Variants in TCF7L2 observed in about 807,000 individuals in gnomAD.
TCF7L2 encodes transcription factor 7-like 2.
In TCF7L2, 23 loss-of-function variants were observed where a neutral mutation model predicts 77.9. The ratio of observed to expected loss-of-function variants is 0.30; its 90% confidence interval spans 0.21 to 0.42. The LOEUF (loss-of-function observed/expected upper bound fraction) is 0.42, where lower values mean the gene tolerates loss of function less well. Among genes scored for constraint, TCF7L2 ranks in the 10% least tolerant of loss-of-function variants. TCF7L2 has a pLI of 1.00. For missense variants in TCF7L2, 654 were observed against 793.1 expected, an observed-to-expected ratio of 0.82 and a Z score of 2.11; for synonymous variants, 413 against 340.2, an observed-to-expected ratio of 1.21 and a Z score of -2.36.
At position 113,166,226 on chromosome 10, in the gene TCF7L2, C is replaced by G. The variant is rs2074033435; in HGVS notation, c.*254C>G. The G allele has an allele frequency of 5.7e-6, 2 of 350,690 alleles. No homozygotes were observed. The highest frequency in any genetic ancestry group is 7.3e-4 in the Middle Eastern group (1 of 1,374). 21.7% of individuals were successfully genotyped at this position (350,690 alleles called of 1,614,324 possible). A position where few individuals can be genotyped will look rare whatever the true frequency, so the allele number is the denominator to read the frequency against. On this transcript the variant is annotated 3_prime_UTR_variant, in exon 14 of 14. Transcript: ENST00000627217. ...ATTTTTATCAACAGCTGTTTAAAGTCTTTGTAGCGTTTAAAAAATATATAT... is the reference window on the plus strand; with the variant it reads ...ATTTTTATCAACAGCTGTTTAAAGTGTTTGTAGCGTTTAAAAAATATATAT...
chr10:113,038,141 C>T (rs951460841), intron 4 of TCF7L2, among the ~76,000 whole-genome samples: 3 of 152,106 alleles, frequency 2.0e-5, no homozygotes, highest in Non-Finnish European at 4.4e-5. Flanking sequence ...AAGGGGGTTC[C>T]TGTTGGTATT....
chr10:113,036,126 AT>A (rs1354298813), intron 4 of TCF7L2, among the ~76,000 whole-genome samples: 11 of 124,082 alleles, frequency 8.9e-5, no homozygotes, highest in African/African-American at 2.2e-4. Flanking sequence ...CATCATCATC[AT>A]CATCATCATC....
At chr10:112,989,651 C>T (rs899279596) in intron 4 of TCF7L2, among the ~76,000 whole-genome samples, 1 of 152,152 alleles carries the variant, frequency 6.6e-6, no homozygotes, top group Non-Finnish European at 1.5e-5. Context: ...TATAAATAGG[C>T]GCGTTGCTAT....
At chr10:113,083,482 T>G (rs2059527461) in intron 5 of TCF7L2, among the ~76,000 whole-genome samples, 1 of 152,224 alleles carries the variant, frequency 6.6e-6, no homozygotes, top group African/African-American at 2.4e-5. Flanking sequence ...GGAGCCCTGA[T>G]GGCAGTTTCT....
intron 5 of TCF7L2, among the ~76,000 whole-genome samples, chr10:113,135,324 C>T (rs748754811): frequency 5.9e-5 from 9 of 151,882 alleles, no homozygotes; most frequent in Admixed American, 1.3e-4. Context: ...TCGATGAATA[C>T]GATGAATACT....
At chr10:113,087,549 C>G (rs2059955201) in intron 5 of TCF7L2, among the ~76,000 whole-genome samples, 1 of 152,168 alleles carries the variant, frequency 6.6e-6, no homozygotes, top group African/African-American at 2.4e-5. Flanking sequence ...TCATGCTTGC[C>G]GAATGACTCA....
intron 5 of TCF7L2, among the ~76,000 whole-genome samples, chr10:113,056,462 A>C (rs1158199810): frequency 2.0e-5 from 3 of 152,202 alleles, no homozygotes; most frequent in African/African-American, 4.8e-5. Context: ...CGTCTCCAGG[A>C]GGGCGGTTCA....
At chr10:112,967,718 C>T (rs1468637913) in intron 4 of TCF7L2, among the ~76,000 whole-genome samples, 1 of 151,922 alleles carries the variant, frequency 6.6e-6, no homozygotes, top group Non-Finnish European at 1.5e-5. Context: ...TCACCGCAAC[C>T]TCCGCCTCCC....
chr10:113,003,508 C>T (rs2044882973), intron 4 of TCF7L2, among the ~76,000 whole-genome samples: 1 of 152,184 alleles, frequency 6.6e-6, no homozygotes, highest in South Asian at 2.1e-4. Context: ...TTCCCTGTCC[C>T]TGCCCTCTCT....
At chr10:113,053,323 T>G (rs1213387638) in intron 5 of TCF7L2, among the ~76,000 whole-genome samples, 2 of 152,138 alleles carry the variant, frequency 1.3e-5, no homozygotes. Context: ...CTAAGTGCTG[T>G]GGTGTCTGGA....
At chr10:113,141,384 T>G (rs1156988239) in intron 6 of TCF7L2, 68 bp downstream of exon 6, 2 of 1,604,562 alleles carry the variant, frequency 1.2e-6, no homozygotes, top group Non-Finnish European at 1.7e-6. Context: ...CTTTGAGGCC[T>G]CCACAGGAAC....
Position 113,141,232 on chromosome 10 carries a change from A to G in TCF7L2, c.601A>G (p.Thr201Ala). ...GCACCCTCACCATGTCCACCCCCTC[A>G]CGCCTCTTATCACGTACAGCAATGA... is the stretch of plus-strand genomic sequence containing the variant. Residue 201 changes from threonine to alanine, a missense_variant, in exon 6 of 14, where the codon ACG becomes GCG. Physicochemically the swap from Thr to Ala is moderately conservative, Grantham distance 58 (BLOSUM62 0). Transcript: ENST00000627217. 1.2e-6 allele frequency: 2 copies of G among 1,613,972 alleles called. No homozygotes were observed. The highest frequency in any genetic ancestry group is 1.7e-6 in the Non-Finnish European group (2 of 1,180,008).
chr10:113,006,199 C>A (rs1297614211), intron 4 of TCF7L2, among the ~76,000 whole-genome samples: 4 of 151,638 alleles, frequency 2.6e-5, no homozygotes, highest in Non-Finnish European at 4.4e-5. Context: ...TAATGAAAGT[C>A]GTCCCATAAG....
chr10:112,956,818 T>C (rs1327765890), intron 3 of TCF7L2, among the ~76,000 whole-genome samples: 5 of 152,174 alleles, frequency 3.3e-5, no homozygotes, highest in African/African-American at 1.2e-4. Context: ...ACGTTGGCCT[T>C]ATAATATTCA....
At chr10:113,123,118 T>C (rs1238858678) in intron 5 of TCF7L2, among the ~76,000 whole-genome samples, 2 of 152,204 alleles carry the variant, frequency 1.3e-5, no homozygotes, top group Admixed American at 1.3e-4. Context: ...TGACTGCACC[T>C]ACAGCACTCA....
At chr10:113,032,591 G>T (rs146379606) in intron 4 of TCF7L2, among the ~76,000 whole-genome samples, 63 of 152,302 alleles carry the variant, frequency 4.1e-4, no homozygotes, top group African/African-American at 1.5e-3. Flanking sequence ...TTGAGTTCAG[G>T]CAAGGATGCC....
chr10:113,073,187 G>T (rs2058280825), intron 5 of TCF7L2, among the ~76,000 whole-genome samples: 1 of 150,400 alleles, frequency 6.6e-6, no homozygotes, highest in Non-Finnish European at 1.5e-5. Context: ...AAAGGTGATC[G>T]GCACTCAGAC....
chr10:113,058,104 G>A (rs1479124449), intron 5 of TCF7L2, among the ~76,000 whole-genome samples: 1 of 152,178 alleles, frequency 6.6e-6, no homozygotes, highest in African/African-American at 2.4e-5. Context: ...CTTTAAAGGG[G>A]GAAGAAGGTG....
At chr10:113,138,071 G>C (rs1028160369) in intron 5 of TCF7L2, among the ~76,000 whole-genome samples, 4 of 152,214 alleles carry the variant, frequency 2.6e-5, no homozygotes, top group African/African-American at 9.6e-5. Flanking sequence ...TGACCACAGA[G>C]TTCTCCTCTC....
Sources: allele counts gnomAD v4.1 joint callset (sites outside exome capture counted in the v4.1 genomes callset), GRCh38; gene constraint gnomAD v4.1.1; transcripts MANE v1.5; gene names NCBI Gene and HGNC (gene_info 2026-07-23, HGNC 2026-07-21).